The following DLGAP2 variants were observed in gnomAD, a reference collection of about 807,000 sequenced individuals.
DLGAP2 encodes the protein disks large-associated protein 2.
Under a neutral mutation model 100.3 loss-of-function variants are expected in DLGAP2, and 26 were observed. The observed-to-expected ratio is 0.26, with a 90% CI of 0.19 to 0.36. The LOEUF (loss-of-function observed/expected upper bound fraction) is 0.36. Among genes scored for constraint, DLGAP2 ranks in the 10% least tolerant of loss-of-function variants. The probability of loss-of-function intolerance (pLI) is 1.00; values close to 1 mark genes in which losing one functional copy is unlikely to be tolerated. For synonymous variants in DLGAP2, 886 were observed against 630.1 expected (o/e 1.41, Z -6.08); for missense variants, 1,858 against 1,453.2 (o/e 1.28, Z -4.53).
intron 3 of DLGAP2, among the ~76,000 whole-genome samples, chr8:1,329,619 G>A (rs1156858707): frequency 6.6e-6 from 1 of 152,174 alleles, no homozygotes; most frequent in Non-Finnish European, 1.5e-5. Context: ...GGGTCCTGGG[G>A]TAGCCGAGGG....
intron 2 of DLGAP2, among the ~76,000 whole-genome samples, chr8:979,103 G>T (rs1000938337): frequency 6.6e-6 from 1 of 152,072 alleles, no homozygotes; most frequent in Non-Finnish European, 1.5e-5. Flanking sequence ...CTAAATTGGG[G>T]GTGGGGGATG....
At chr8:1,391,307 G>C (rs1796346350) in intron 3 of DLGAP2, among the ~76,000 whole-genome samples, 1 of 152,220 alleles carries the variant, frequency 6.6e-6, no homozygotes. Context: ...GCCTGAGGTA[G>C]GGGTTTTGGG....
intron 3 of DLGAP2, chr8:1,300,941 C>T (rs1364399846): frequency 6.6e-6 from 1 of 152,296 alleles, no homozygotes; most frequent in Non-Finnish European, 1.5e-5. Context: ...AGCTCAGCGT[C>T]CTCCCTGTGG....
intron 1 of DLGAP2, among the ~76,000 whole-genome samples, chr8:817,817 G>C (rs900407714): frequency 2.0e-5 from 3 of 152,214 alleles, no homozygotes; most frequent in Non-Finnish European, 4.4e-5. Context: ...TGTGATTTTT[G>C]TCTTAAAGTC....
chr8:760,279 C>T (rs536374853), intron 1 of DLGAP2, among the ~76,000 whole-genome samples: 5 of 152,284 alleles, frequency 3.3e-5, no homozygotes, highest in Admixed American at 1.3e-4. Context: ...GGGTTTCTTT[C>T]CTGAAGTCTT....
intron 6 of DLGAP2, among the ~76,000 whole-genome samples, chr8:1,594,861 C>T (rs1398776864): frequency 6.6e-6 from 1 of 152,160 alleles, no homozygotes; most frequent in Non-Finnish European, 1.5e-5. Context: ...CTACCTCCTG[C>T]CAGCCATGCC....
chr8:1,462,814 C>T (rs1447089532), intron 3 of DLGAP2, among the ~76,000 whole-genome samples: 1 of 152,216 alleles, frequency 6.6e-6, no homozygotes, highest in African/African-American at 2.4e-5. Context: ...AGCCCTCAGG[C>T]CCCCACACGG....
At chr8:1,522,626 G>A (rs1407438641) in intron 4 of DLGAP2, among the ~76,000 whole-genome samples, 1 of 152,220 alleles carries the variant, frequency 6.6e-6, no homozygotes, top group Non-Finnish European at 1.5e-5. Flanking sequence ...AGGATTTAAG[G>A]GGACGCCTGT....
intron 2 of DLGAP2, among the ~76,000 whole-genome samples, chr8:1,115,985 A>G (rs957193549): frequency 2.6e-5 from 4 of 152,186 alleles, no homozygotes; most frequent in African/African-American, 9.7e-5. Context: ...TGCCCAGGAA[A>G]CGATCCCAGC....
intron 6 of DLGAP2, among the ~76,000 whole-genome samples, chr8:1,619,220 A>G (rs891916812): frequency 6.6e-6 from 1 of 152,226 alleles, no homozygotes; most frequent in Admixed American, 6.5e-5. Flanking sequence ...AGATACACAA[A>G]TGTCCAATAA....
At chr8:832,530 T>TCCC (rs1474900258) in intron 1 of DLGAP2, among the ~76,000 whole-genome samples, 7 of 152,208 alleles carry the variant, frequency 4.6e-5, no homozygotes, top group Non-Finnish European at 8.8e-5. Flanking sequence ...GATTGGTGAA[T>TCCC]CCACTGTTGT....
At chr8:970,382 G>C (rs1799982816) in intron 2 of DLGAP2, among the ~76,000 whole-genome samples, 1 of 152,174 alleles carries the variant, frequency 6.6e-6, no homozygotes, top group Admixed American at 6.5e-5. Context: ...AACCTACAAA[G>C]ACACATATAC....
intron 5 of DLGAP2, among the ~76,000 whole-genome samples, chr8:1,557,485 G>A (rs1014084846): frequency 6.6e-6 from 1 of 152,066 alleles, no homozygotes. Context: ...GACAGGTCTC[G>A]GCCGATTCTG....
chr8:1,653,658 C>A (rs891041050), intron 8 of DLGAP2, among the ~76,000 whole-genome samples: 2 of 67,516 alleles, frequency 3.0e-5, no homozygotes, highest in African/African-American at 1.1e-4. Flanking sequence ...GGGGTGGATT[C>A]CTGTATTTGC....
intron 4 of DLGAP2, among the ~76,000 whole-genome samples, chr8:1,541,993 G>A (rs148850757): frequency 7.0e-4 from 106 of 152,306 alleles, no homozygotes; most frequent in African/African-American, 2.5e-3. Context: ...AGCCTCAGAT[G>A]TTTCTCTGAG....
intron 1 of DLGAP2, among the ~76,000 whole-genome samples, chr8:756,578 C>T (rs1820926465): frequency 6.6e-6 from 1 of 152,104 alleles, no homozygotes; most frequent in Non-Finnish European, 1.5e-5. Context: ...ATGCAGCCTA[C>T]CCTGAGATCA....
intron 2 of DLGAP2, among the ~76,000 whole-genome samples, chr8:1,193,433 G>A (rs1431789182): frequency 1.3e-5 from 2 of 152,168 alleles, no homozygotes; most frequent in African/African-American, 4.8e-5. Context: ...GTGATGATGA[G>A]CATTTTTTCA....
chr8:1,345,599 A>G (rs941408287), intron 3 of DLGAP2, among the ~76,000 whole-genome samples: 1 of 152,262 alleles, frequency 6.6e-6, no homozygotes, highest in Non-Finnish European at 1.5e-5. Flanking sequence ...CTTGGTTGTC[A>G]TAGTCCTTCA....
At chr8:1,448,885 T>A (rs1798058089) in intron 3 of DLGAP2, among the ~76,000 whole-genome samples, 1 of 152,218 alleles carries the variant, frequency 6.6e-6, no homozygotes, top group African/African-American at 2.4e-5. Flanking sequence ...TAATAGCATG[T>A]CACATTTCAG....
Sources: allele counts gnomAD v4.1 joint callset (sites outside exome capture counted in the v4.1 genomes callset), GRCh38; gene constraint gnomAD v4.1.1; transcripts MANE v1.5; gene names NCBI Gene and HGNC (gene_info 2026-07-23, HGNC 2026-07-21).